Variants in ZNF503 observed in about 807,000 individuals in gnomAD.
The protein encoded by ZNF503 is NocA-like zinc finger 2.
A neutral mutation model predicts 34.4 loss-of-function variants in ZNF503; 15 were observed. The observed-to-expected ratio is 0.44, with a 90% CI of 0.29 to 0.67. ZNF503 has a LOEUF of 0.67. Among genes scored for constraint, ZNF503 ranks in the 30% least tolerant of loss-of-function variants. ZNF503 has a pLI of 0.13. For missense variants in ZNF503, 1,007 were observed against 926.8 expected (o/e 1.09, Z -1.12); for synonymous variants, 580 against 456.8 (o/e 1.27, Z -3.44).
the ZNF503 span, among the ~76,000 whole-genome samples, chr10:75,306,167 G>T: frequency 3.3e-5 from 5 of 152,070 alleles, no homozygotes; most frequent in African/African-American, 1.2e-4. Flanking sequence ...GTGCACAAGG[G>T]TTTCAATTTC....
chr10:75,339,180 G>A, the ZNF503 span, among the ~76,000 whole-genome samples: 10 of 152,262 alleles, frequency 6.6e-5, no homozygotes, highest in Non-Finnish European at 1.3e-4. Flanking sequence ...GCAGTGAGCC[G>A]AGATCGTGCC....
the ZNF503 span, among the ~76,000 whole-genome samples, chr10:75,374,288 C>T: frequency 3.3e-5 from 5 of 152,062 alleles, no homozygotes; most frequent in African/African-American, 1.2e-4. Context: ...GGCCACAGAG[C>T]GAGACTCCAT....
the ZNF503 span, among the ~76,000 whole-genome samples, chr10:75,304,887 C>G: frequency 6.6e-6 from 1 of 152,090 alleles, no homozygotes; most frequent in Non-Finnish European, 1.5e-5. Context: ...CTAGAACTCA[C>G]AGATGACTCA....
chr10:75,337,211 C>A, the ZNF503 span, among the ~76,000 whole-genome samples: 1 of 152,016 alleles, frequency 6.6e-6, no homozygotes, highest in African/African-American at 2.4e-5. Flanking sequence ...GTAGTCCCAG[C>A]TACTTGGGAG....
the ZNF503 span, among the ~76,000 whole-genome samples, chr10:75,353,613 C>G: frequency 1.3e-5 from 2 of 152,198 alleles, no homozygotes; most frequent in Non-Finnish European, 2.9e-5. Context: ...ACCCACCAGT[C>G]CCATCCTTTG....
chr10:75,357,558 A>T, the ZNF503 span, among the ~76,000 whole-genome samples: 6 of 152,278 alleles, frequency 3.9e-5, no homozygotes, highest in African/African-American at 1.2e-4. Flanking sequence ...TAACCAATAT[A>T]TATCATATTC....
At chr10:75,308,129 A>G in the ZNF503 span, among the ~76,000 whole-genome samples, 1 of 151,134 alleles carries the variant, frequency 6.6e-6, no homozygotes, top group Admixed American at 6.6e-5. Context: ...GATAAAAATG[A>G]CTTATGTTAA....
chr10:75,301,537 G>A, the ZNF503 span, among the ~76,000 whole-genome samples: 91 of 152,062 alleles, frequency 6.0e-4, no homozygotes, highest in African/African-American at 2.0e-3. Context: ...CACCATGCCC[G>A]GCCATTTCTA....
chr10:75,344,671 A>G, the ZNF503 span, among the ~76,000 whole-genome samples: 1 of 152,214 alleles, frequency 6.6e-6, no homozygotes, highest in Non-Finnish European at 1.5e-5. Context: ...AGATTTCATT[A>G]TGTGAAAAGA....
At position 75,399,924 on chromosome 10, in the gene ZNF503, T is replaced by TCTTGTCGTC; in HGVS notation, c.757_765dup (p.Asp253_Lys255dup). Reference sequence around the variant, plus strand: ...CCACCGCCGCCCACGTCGGTGTCTTTCTTGTCGTCCTTGCCCTCCGGGGCA... The same window carrying TCTTGTCGTC: ...CCACCGCCGCCCACGTCGGTGTCTTTCTTGTCGTCCTTGTCGTCCTTGCCCTCCGGGGCA... On this transcript the variant is annotated inframe_insertion, in exon 2 of 2. Transcript: ENST00000372524. The TCTTGTCGTC allele has an allele frequency of 6.2e-7, 1 of 1,606,300 alleles. No individual in the cohort carries two copies. Among genetic ancestry groups the TCTTGTCGTC allele is most frequent in the South Asian group, 1.1e-5 (1 of 90,732 alleles).
the ZNF503 span, among the ~76,000 whole-genome samples, chr10:75,345,460 C>A: frequency 1.9e-4 from 29 of 151,816 alleles, no homozygotes; most frequent in African/African-American, 6.3e-4. Context: ...CATGGTGAAA[C>A]CCTGTCTCTA....
downstream of ZNF503, among the ~76,000 whole-genome samples, chr10:75,395,871 C>T (rs1328471440): frequency 6.6e-6 from 1 of 152,206 alleles, no homozygotes; most frequent in African/African-American, 2.4e-5. This position sits in a 1 kb window ranked among gnomAD's most constrained non-coding sequence, Gnocchi z 4.4. Context: ...AAGGCACGAA[C>T]GTCCCGGGTT....
chr10:75,397,046 C>T (rs775403762), downstream of ZNF503, among the ~76,000 whole-genome samples: 1 of 152,242 alleles, frequency 6.6e-6, no homozygotes, highest in Non-Finnish European at 1.5e-5. Flanking sequence ...GGCGCCGGGA[C>T]GCTCGCGGGG....
At chr10:75,401,066 G>A (rs1444111716) in intron 1 of ZNF503, 39 bp downstream of exon 1, 4 of 1,612,996 alleles carry the variant, frequency 2.5e-6, no homozygotes, top group Admixed American at 3.3e-5. Flanking sequence ...TGGCAGCCAG[G>A]GTAGTGGTCC....
chr10:75,307,215 T>C, the ZNF503 span, among the ~76,000 whole-genome samples: 1 of 152,184 alleles, frequency 6.6e-6, no homozygotes, highest in Admixed American at 6.5e-5. Context: ...GAAAAGTTCC[T>C]GAAGGAAATT....
downstream of ZNF503, among the ~76,000 whole-genome samples, chr10:75,395,531 A>C (rs1843687041): frequency 6.6e-6 from 1 of 151,958 alleles, no homozygotes; most frequent in African/African-American, 2.4e-5. This position sits in a 1 kb window ranked among gnomAD's most constrained non-coding sequence, Gnocchi z 4.4. Context: ...TCCAGCCGCC[A>C]GCCGGCGCGC....
chr10:75,371,410 C>T, the ZNF503 span, among the ~76,000 whole-genome samples: 2 of 152,154 alleles, frequency 1.3e-5, no homozygotes, highest in Non-Finnish European at 2.9e-5. Context: ...GTTGGTGTTT[C>T]CAGAGCTGAC....
At chr10:75,392,446 G>T in the ZNF503 span, among the ~76,000 whole-genome samples, 8 of 152,310 alleles carry the variant, frequency 5.3e-5, no homozygotes, top group South Asian at 1.0e-3. Context: ...TCGGTGTGTG[G>T]TGGGGGGAAA....
the ZNF503 span, among the ~76,000 whole-genome samples, chr10:75,314,697 A>G: frequency 6.6e-6 from 1 of 152,250 alleles, no homozygotes; most frequent in East Asian, 1.9e-4. Context: ...GTAGTTATCT[A>G]TGAGCATCTA....
Sources: allele counts gnomAD v4.1 joint callset (sites outside exome capture counted in the v4.1 genomes callset), GRCh38; gene constraint gnomAD v4.1.1; non-coding constraint Gnocchi (gnomAD v3.1); transcripts MANE v1.5; gene names NCBI Gene and HGNC (gene_info 2026-07-23, HGNC 2026-07-21).